The following KLF12 variants were observed in gnomAD, a reference collection of about 807,000 sequenced individuals.
The protein encoded by KLF12 is KLF transcription factor 12, also known as Krueppel-like factor 12.
A neutral mutation model predicts 37.8 loss-of-function variants in KLF12; 9 were observed. The observed-to-expected ratio is 0.24, with a 90% CI of 0.14 to 0.42. The LOEUF (loss-of-function observed/expected upper bound fraction) is 0.42. Among genes scored for constraint, KLF12 ranks in the 10% least tolerant of loss-of-function variants. The probability of loss-of-function intolerance (pLI) is 1.00; values close to 1 mark genes in which losing one functional copy is unlikely to be tolerated. For synonymous variants in KLF12, 208 were observed against 202.1 expected, an observed-to-expected ratio of 1.03 and a Z score of -0.25; for missense variants, 411 against 516.0, an observed-to-expected ratio of 0.80 and a Z score of 1.97.
chr13:74,296,249 A>G, the KLF12 span, among the ~76,000 whole-genome samples: 1 of 152,052 alleles, frequency 6.6e-6, no homozygotes, highest in Non-Finnish European at 1.5e-5. Context: ...TATTTCACAG[A>G]TTCAGAAACT....
At chr13:73,847,861 T>C (rs1190654832) in intron 3 of KLF12, among the ~76,000 whole-genome samples, 2 of 152,190 alleles carry the variant, frequency 1.3e-5, no homozygotes, top group African/African-American at 2.4e-5. Flanking sequence ...ACTGCTTTGA[T>C]AAAAGCTATT....
intron 3 of KLF12, among the ~76,000 whole-genome samples, chr13:73,851,461 G>C (rs2138726388): frequency 1.3e-5 from 2 of 152,218 alleles, no homozygotes; most frequent in Middle Eastern, 6.8e-3. Flanking sequence ...AGCTGAGTTA[G>C]ATTGGCCCAC....
rs1359906716 is a variant in KLF12, at chr13:73,694,059, GGTCCTGATACA to G, written c.*1420_*1430del. On this transcript the variant is annotated 3_prime_UTR_variant, in exon 8 of 8. Transcript: ENST00000377669. Reference sequence around the variant, plus strand: ...TGCAGATGCCAATGCAGGACACCTGGGTCCTGATACAGTTTAGAAAATGAAATCGGTATAGA... The same window carrying G: ...TGCAGATGCCAATGCAGGACACCTGGGTTTAGAAAATGAAATCGGTATAGA... 6.6e-6 allele frequency: 1 copy of G among 152,482 alleles called. No homozygotes were observed. The highest frequency in any genetic ancestry group is 1.5e-5 in the Non-Finnish European group (1 of 68,014). The allele number at this position is 152,482 out of a possible 1,614,324, so 9.4% of individuals were successfully genotyped here.
At chr13:73,731,373 A>T (rs940343784) in intron 6 of KLF12, among the ~76,000 whole-genome samples, 3 of 152,098 alleles carry the variant, frequency 2.0e-5, no homozygotes, top group Non-Finnish European at 4.4e-5. Context: ...AGTAATAATT[A>T]AAAAAATAGT....
chr13:74,281,269 C>G, the KLF12 span, among the ~76,000 whole-genome samples: 3 of 152,038 alleles, frequency 2.0e-5, no homozygotes, highest in African/African-American at 7.2e-5. Flanking sequence ...AATGTATTGG[C>G]CTTCCCTGCT....
intron 2 of KLF12, among the ~76,000 whole-genome samples, chr13:73,987,320 A>G (rs915223439): frequency 6.6e-6 from 1 of 152,154 alleles, no homozygotes; most frequent in Non-Finnish European, 1.5e-5. Flanking sequence ...GTTGATACAT[A>G]AAACTATATA....
chr13:73,813,144 A>G lies in KLF12; in HGVS notation c.806+8T>C, dbSNP rs1883031234. 2 of 1,613,008 alleles carry G rather than the reference A, an allele frequency of 1.2e-6. No homozygotes were observed. The highest frequency in any genetic ancestry group is 2.7e-5 in the African/African-American group (2 of 74,838). ...ATTCTTAATTCATCCTGTGAATGTG[A>G]TACTTACTCTTGTACTGCTCTGGCT... is the stretch of plus-strand genomic sequence containing the variant. On this transcript the variant is annotated splice_region_variant and intron_variant, in intron 5 of 7. Transcript: ENST00000377669.
chr13:73,956,888 C>T (rs993309618), intron 2 of KLF12, among the ~76,000 whole-genome samples: 2 of 150,842 alleles, frequency 1.3e-5, no homozygotes, highest in Admixed American at 6.6e-5. Context: ...TTCCACTGCA[C>T]TCCAGTCTGG....
At chr13:73,938,307 T>G (rs1342831040) in intron 3 of KLF12, among the ~76,000 whole-genome samples, 1 of 152,130 alleles carries the variant, frequency 6.6e-6, no homozygotes, top group African/African-American at 2.4e-5. Flanking sequence ...AATTGTTGGG[T>G]TTTTTCCCCC....
chr13:73,994,476 C>G (rs1212419259), intron 2 of KLF12, among the ~76,000 whole-genome samples: 2 of 149,660 alleles, frequency 1.3e-5, no homozygotes, highest in South Asian at 4.3e-4. Context: ...CCCCCCCCAC[C>G]ACCACACTTT....
the KLF12 span, among the ~76,000 whole-genome samples, chr13:74,246,811 G>A: frequency 3.3e-5 from 5 of 152,166 alleles, no homozygotes; most frequent in Non-Finnish European, 7.3e-5. Context: ...CTCTGTGTGC[G>A]GCACGGATGA....
At chr13:73,963,933 A>T (rs139427414) in intron 2 of KLF12, among the ~76,000 whole-genome samples, 2 of 152,244 alleles carry the variant, frequency 1.3e-5, no homozygotes, top group Non-Finnish European at 2.9e-5. Flanking sequence ...GTGCCCCTCA[A>T]TAACAGATGA....
chr13:74,204,814 C>T, the KLF12 span, among the ~76,000 whole-genome samples: 58 of 152,192 alleles, frequency 3.8e-4, no homozygotes, highest in African/African-American at 1.1e-3. Context: ...ATCATCACTG[C>T]GTATTTGGGA....
chr13:73,743,977 A>G (rs903354220), intron 6 of KLF12, among the ~76,000 whole-genome samples: 3 of 152,210 alleles, frequency 2.0e-5, no homozygotes, highest in African/African-American at 4.8e-5. Flanking sequence ...AAAAGTTTTG[A>G]GAAGTACTTG....
At chr13:74,180,206 C>T in the KLF12 span, among the ~76,000 whole-genome samples, 1 of 152,240 alleles carries the variant, frequency 6.6e-6, no homozygotes, top group South Asian at 2.1e-4. Context: ...GTTTAGTGTT[C>T]TTGATTAGAC....
At chr13:74,195,804 G>A in the KLF12 span, among the ~76,000 whole-genome samples, 1 of 152,006 alleles carries the variant, frequency 6.6e-6, no homozygotes, top group East Asian at 1.9e-4. Flanking sequence ...GGCTGGTCTC[G>A]AACTCCTGAC....
At chr13:73,714,326 C>T (rs1875632534) in intron 7 of KLF12, among the ~76,000 whole-genome samples, 1 of 152,102 alleles carries the variant, frequency 6.6e-6, no homozygotes, top group Non-Finnish European at 1.5e-5. Flanking sequence ...AGAACATGGG[C>T]TAAATGGAAA....
chr13:74,042,416 T>C (rs1029169242), intron 1 of KLF12, among the ~76,000 whole-genome samples: 1 of 152,090 alleles, frequency 6.6e-6, no homozygotes, highest in Non-Finnish European at 1.5e-5. Context: ...TGAAAATGTA[T>C]CTGACCTGGT....
chr13:74,038,765 G>A (rs978643008), intron 1 of KLF12, among the ~76,000 whole-genome samples: 5 of 152,106 alleles, frequency 3.3e-5, no homozygotes, highest in Non-Finnish European at 7.4e-5. Flanking sequence ...TGTAAGAAAG[G>A]GGGTTGTGTT....
Sources: allele counts gnomAD v4.1 joint callset (sites outside exome capture counted in the v4.1 genomes callset), GRCh38; gene constraint gnomAD v4.1.1; transcripts MANE v1.5; gene names NCBI Gene and HGNC (gene_info 2026-07-23, HGNC 2026-07-21).